The following EPB41L3 variants were observed in gnomAD, a reference collection of about 807,000 sequenced individuals.
EPB41L3 encodes the protein erythrocyte membrane protein band 4.1 like 3, also known as band 4.1-like protein 3.
Under a neutral mutation model 127.1 loss-of-function variants are expected in EPB41L3, and 57 were observed. The observed-to-expected ratio is 0.45, with a 90% confidence interval of 0.36 to 0.56. The LOEUF is 0.56. Among genes scored for constraint, EPB41L3 ranks in the 20% least tolerant of loss-of-function variants. EPB41L3 has a pLI of 0.00. For missense variants in EPB41L3, 1,273 were observed against 1,372.2 expected, an observed-to-expected ratio of 0.93 and a Z score of 1.14; for synonymous variants, 572 against 549.5, an observed-to-expected ratio of 1.04 and a Z score of -0.57.
intron 21 of EPB41L3, 109 bp from the exon 22 acceptor site, chr18:5,394,902 T>C: frequency 1.7e-6 from 2 of 1,195,684 alleles, no homozygotes; most frequent in Non-Finnish European, 2.4e-6. Context: ...AATTTACAAA[T>C]GAGGTACAAT....
intron 1 of EPB41L3, among the ~76,000 whole-genome samples, chr18:5,617,409 C>A (rs2094809581): frequency 6.6e-6 from 1 of 151,886 alleles, no homozygotes; most frequent in African/African-American, 2.4e-5. Context: ...AGCTCCGCCT[C>A]CCAGGTTCAC....
chr18:5,626,946 G>A (rs188318913), intron 1 of EPB41L3, among the ~76,000 whole-genome samples: 133 of 152,298 alleles, frequency 8.7e-4, no homozygotes, highest in Non-Finnish European at 1.2e-3. Context: ...AACAGAGAGA[G>A]ATGGAAACTG....
At chr18:5,630,514 T>G, upstream of EPB41L3, 1 of 518,164 alleles carries the variant, frequency 1.9e-6, no homozygotes. Flanking sequence ...GCAGGGGCTC[T>G]TTCCTTCGAA....
intron 3 of EPB41L3, among the ~76,000 whole-genome samples, chr18:5,460,603 G>C (rs983714642): frequency 2.6e-5 from 4 of 152,222 alleles, no homozygotes; most frequent in Admixed American, 1.3e-4. Context: ...TTAAAGGTTT[G>C]CTTGAGAGGA....
intron 8 of EPB41L3, chr18:5,431,122 GC>G (rs1207625952): frequency 6.6e-6 from 1 of 152,060 alleles, no homozygotes; most frequent in African/African-American, 2.4e-5. Context: ...CTCTGACAAA[GC>G]CTATCAAGAT....
At chr18:5,626,257 G>T (rs759025542) in intron 1 of EPB41L3, among the ~76,000 whole-genome samples, 1 of 152,068 alleles carries the variant, frequency 6.6e-6, no homozygotes, top group African/African-American at 2.4e-5. Context: ...AGACATCATC[G>T]TGACACCAAA....
chr18:5,559,600 C>T (rs554611445), intron 3 of EPB41L3, among the ~76,000 whole-genome samples: 4 of 152,138 alleles, frequency 2.6e-5, no homozygotes, highest in Admixed American at 1.3e-4. Context: ...TCTTTCTAAA[C>T]GAAAATATCT....
intron 3 of EPB41L3, among the ~76,000 whole-genome samples, chr18:5,561,131 CTA>C (rs1568574872): frequency 3.3e-5 from 5 of 150,072 alleles, no homozygotes; most frequent in Admixed American, 6.6e-5. Flanking sequence ...GCGCCCGCCA[CTA>C]CGCCCGGCTA....
intron 11 of EPB41L3, among the ~76,000 whole-genome samples, chr18:5,422,001 G>A (rs1375978251): frequency 1.3e-5 from 2 of 152,128 alleles, no homozygotes. Flanking sequence ...TGAAAAAAGA[G>A]TAATTATCAA....
At chr18:5,528,124 G>A (rs561063446) in intron 1 of EPB41L3, among the ~76,000 whole-genome samples, 2 of 152,242 alleles carry the variant, frequency 1.3e-5, no homozygotes, top group South Asian at 2.1e-4. Flanking sequence ...GAGGGAGAGA[G>A]GTGCACATGC....
chr18:5,429,934 C>T (rs111990378), intron 8 of EPB41L3, among the ~76,000 whole-genome samples: 5 of 152,176 alleles, frequency 3.3e-5, no homozygotes, highest in Non-Finnish European at 5.9e-5. Context: ...CTTACGCCAT[C>T]GGCAGAGTGC....
At chr18:5,560,365 A>G (rs980272686) in intron 3 of EPB41L3, among the ~76,000 whole-genome samples, 1 of 152,172 alleles carries the variant, frequency 6.6e-6, no homozygotes, top group African/African-American at 2.4e-5. Flanking sequence ...TCTCATCCCT[A>G]CCATAAAGTT....
At chr18:5,570,762 C>G (rs2094268754) in intron 3 of EPB41L3, 2 of 152,150 alleles carry the variant, frequency 1.3e-5, no homozygotes, top group African/African-American at 4.8e-5. Context: ...ACTCCCCATT[C>G]TTATGTTGGG....
intron 3 of EPB41L3, among the ~76,000 whole-genome samples, chr18:5,574,904 C>T (rs1285531025): frequency 6.6e-6 from 1 of 152,114 alleles, no homozygotes; most frequent in Non-Finnish European, 1.5e-5. Context: ...CCTATAAGAG[C>T]CCTCCAAGCC....
chr18:5,577,825 AC>A (rs1434337872), intron 3 of EPB41L3, among the ~76,000 whole-genome samples: 2 of 152,238 alleles, frequency 1.3e-5, no homozygotes, highest in Admixed American at 1.3e-4. Flanking sequence ...ATATTAATAC[AC>A]ATTTTGAACA....
At chr18:5,570,585 ATTT>A (rs1332069612) in intron 3 of EPB41L3, among the ~76,000 whole-genome samples, 2 of 148,024 alleles carry the variant, frequency 1.4e-5, no homozygotes, top group Admixed American at 6.6e-5. Flanking sequence ...CTTTTCTTTT[ATTT>A]TATTTTACTT....
chr18:5,495,243 A>G (rs1254395920), intron 1 of EPB41L3, among the ~76,000 whole-genome samples: 2 of 152,204 alleles, frequency 1.3e-5, no homozygotes, highest in Admixed American at 1.3e-4. Context: ...AGATTATGTA[A>G]GAAGCAGAAA....
intron 3 of EPB41L3, among the ~76,000 whole-genome samples, chr18:5,606,129 C>A (rs923284589): frequency 3.9e-5 from 6 of 152,028 alleles, no homozygotes; most frequent in African/African-American, 1.4e-4. Context: ...TGGTTCTTGG[C>A]CAATTTTTTT....
At chr18:5,603,972 C>T (rs940847873) in intron 3 of EPB41L3, among the ~76,000 whole-genome samples, 2 of 152,108 alleles carry the variant, frequency 1.3e-5, no homozygotes, top group Non-Finnish European at 1.5e-5. Context: ...AAGTTCAAAG[C>T]TTAGCTCATT....
Sources: allele counts gnomAD v4.1 joint callset (sites outside exome capture counted in the v4.1 genomes callset), GRCh38; gene constraint gnomAD v4.1.1; transcripts MANE v1.5; gene names NCBI Gene and HGNC (gene_info 2026-07-23, HGNC 2026-07-21).